PDE4B: variants seen among roughly 807,000 people sequenced by gnomAD.
PDE4B encodes 3',5'-cyclic-AMP phosphodiesterase 4B.
A neutral mutation model predicts 82.2 loss-of-function variants in PDE4B; 20 were observed. That is an observed-to-expected ratio of 0.24 (90% confidence interval 0.17 to 0.35). The LOEUF (loss-of-function observed/expected upper bound fraction) is 0.35. PDE4B is among the 10% of genes least tolerant of loss of function. PDE4B has a pLI of 1.00. For missense variants in PDE4B, 655 were observed against 907.2 expected, an observed-to-expected ratio of 0.72 and a Z score of 3.57; for synonymous variants, 320 against 318.9, an observed-to-expected ratio of 1.00 and a Z score of -0.04.
chr1:65,981,682 C>T (rs985867647), intron 3 of PDE4B, among the ~76,000 whole-genome samples: 8 of 151,590 alleles, frequency 5.3e-5, no homozygotes, highest in East Asian at 3.9e-4. Flanking sequence ...TTTCTTTATC[C>T]GTAAAGTGTA....
intron 3 of PDE4B, among the ~76,000 whole-genome samples, chr1:66,012,298 G>A (rs1010845633): frequency 1.2e-4 from 19 of 152,100 alleles, no homozygotes; most frequent in South Asian, 2.1e-4. Context: ...TTCTCTAGGC[G>A]TTTAATGTTT....
intron 4 of PDE4B, among the ~76,000 whole-genome samples, chr1:66,255,280 G>T (rs922705657): frequency 6.6e-6 from 1 of 152,082 alleles, no homozygotes; most frequent in Non-Finnish European, 1.5e-5. Context: ...TAGAGACAGG[G>T]TTCCTCCATG....
Position 66,161,243 on chromosome 1 carries a change from C to T in PDE4B, c.282-86217C>T, listed in dbSNP as rs551571651. Reference sequence around the variant, plus strand: ...AGTACAGTGAAGCCTGTTTCAGCACCGACATGCACAAACAGGTACAGGCGT... The same window carrying T: ...AGTACAGTGAAGCCTGTTTCAGCACTGACATGCACAAACAGGTACAGGCGT... On this transcript the variant is annotated intron_variant, in intron 3 of 16. Transcript: ENST00000341517. Among the ~76,000 whole-genome samples, 10 of 152,016 alleles carry T rather than the reference C, an allele frequency of 6.6e-5. No individual in the cohort carries two copies. The South Asian group carries it at 8.3e-4, about 13-fold the overall frequency.
In PDE4B at chr1:66,328,810, G is replaced by A. The variant is rs142949756; in HGVS notation, c.635-3698G>A. 1.7e-3 allele frequency among the ~76,000 whole-genome samples: 255 copies of A among 152,348 alleles called. 2 individuals are homozygous for A. The highest frequency in any genetic ancestry group is 7.2e-3 in the South Asian group (35 of 4,832). On this transcript the variant is annotated intron_variant, in intron 7 of 16. Transcript: ENST00000341517. ...CCACATGTGCTTTGTAGCCTCAGAT[G>A]GGACATGTTAGCAGCCGTCTTTGCC... is the stretch of plus-strand genomic sequence containing the variant.
intron 3 of PDE4B, among the ~76,000 whole-genome samples, chr1:66,027,778 C>T (rs962376129): frequency 1.3e-5 from 2 of 152,164 alleles, no homozygotes; most frequent in African/African-American, 4.8e-5. Flanking sequence ...TTTAAAGCTC[C>T]AAAACGATCC....
chr1:65,999,062 T>TA (rs1225490828), intron 3 of PDE4B, among the ~76,000 whole-genome samples: 2 of 152,122 alleles, frequency 1.3e-5, no homozygotes, highest in Non-Finnish European at 2.9e-5. Context: ...ATACTTACAG[T>TA]AAAAAGGGCT....
At chr1:65,924,125 A>AT (rs2100494820) in intron 3 of PDE4B, among the ~76,000 whole-genome samples, 1 of 82,940 alleles carries the variant, frequency 1.2e-5, no homozygotes, top group South Asian at 5.3e-4. Flanking sequence ...CCCAGGCTGG[A>AT]GTGCAGTGGC....
At chr1:66,119,889 G>T (rs1489953977) in intron 3 of PDE4B, among the ~76,000 whole-genome samples, 1 of 152,100 alleles carries the variant, frequency 6.6e-6, no homozygotes, top group Non-Finnish European at 1.5e-5. Flanking sequence ...ACAACATGAA[G>T]ACACAATGAG....
chr1:65,853,530 C>CT (rs145185072), intron 1 of PDE4B, among the ~76,000 whole-genome samples: 23,023 of 144,786 alleles, frequency 0.16, 2,226 homozygotes, highest in Non-Finnish European at 0.23. Flanking sequence ...CATTATAACC[C>CT]TTTTTTTTTT....
intron 3 of PDE4B, among the ~76,000 whole-genome samples, chr1:66,019,456 A>G (rs558877883): frequency 2.0e-5 from 3 of 149,846 alleles, no homozygotes. Flanking sequence ...CCCAGGTTCA[A>G]GCAATTCATC....
chr1:66,295,070 G>C (rs1269893963), intron 7 of PDE4B, among the ~76,000 whole-genome samples: 1 of 152,162 alleles, frequency 6.6e-6, no homozygotes, highest in Non-Finnish European at 1.5e-5. Flanking sequence ...CTGATCATTG[G>C]AGTTTATGTG....
At chr1:66,206,916 C>G (rs1401142117) in intron 3 of PDE4B, among the ~76,000 whole-genome samples, 1 of 152,220 alleles carries the variant, frequency 6.6e-6, no homozygotes, top group Admixed American at 6.5e-5. Flanking sequence ...TTCTGCATTA[C>G]AGCCCAGCTT....
At chr1:66,026,840 A>T (rs1380024872) in intron 3 of PDE4B, among the ~76,000 whole-genome samples, 1 of 152,162 alleles carries the variant, frequency 6.6e-6, no homozygotes, top group Non-Finnish European at 1.5e-5. Context: ...ACCTCAACAA[A>T]CCAACCAATT....
intron 3 of PDE4B, among the ~76,000 whole-genome samples, chr1:66,079,166 TTCTC>T (rs148765561): frequency 6.3e-3 from 897 of 142,278 alleles, no homozygotes; most frequent in African/African-American, 0.016. Context: ...CCTGCTTCTT[TTCTC>T]TCTCTCTCTC....
At chr1:65,953,601 T>A (rs1038604776) in intron 3 of PDE4B, among the ~76,000 whole-genome samples, 5 of 152,106 alleles carry the variant, frequency 3.3e-5, no homozygotes, top group African/African-American at 9.7e-5. Flanking sequence ...GGGAGTGCCT[T>A]GCTGGCCCAT....
chr1:66,043,431 A>C (rs2228692), intron 3 of PDE4B, among the ~76,000 whole-genome samples: 32,778 of 151,562 alleles, frequency 0.22, 4,091 homozygotes, highest in Middle Eastern at 0.36. Context: ...AAAGCAGTGC[A>C]GAACTCAGCA....
rs200508063 is a variant in PDE4B, at chr1:66,019,278, A to G, written c.281+100443A>G. On this transcript the variant is annotated intron_variant, in intron 3 of 16. Transcript: ENST00000341517. ...TTTAGAACAAGTCGATAGTTCACAT[A>G]GAGCTATTTAAATGTCCCATGCAAA... Among the ~76,000 whole-genome samples the G allele has an allele frequency of 3.7e-4, 56 of 152,220 alleles. No homozygotes were observed. The East Asian group carries it at 9.6e-3, about 26-fold the overall frequency.
intron 3 of PDE4B, among the ~76,000 whole-genome samples, chr1:66,200,910 C>T (rs1353089142): frequency 6.6e-6 from 1 of 152,150 alleles, no homozygotes; most frequent in African/African-American, 2.4e-5. Context: ...GAGAGGACAT[C>T]CCTGTCTTGT....
chr1:66,199,392 G>C (rs1648662877), intron 3 of PDE4B, among the ~76,000 whole-genome samples: 1 of 151,930 alleles, frequency 6.6e-6, no homozygotes, highest in Non-Finnish European at 1.5e-5. Context: ...TGTGTTTTTT[G>C]GCTGCATAAA....
Sources: allele counts gnomAD v4.1 joint callset (sites outside exome capture counted in the v4.1 genomes callset), GRCh38; gene constraint gnomAD v4.1.1; transcripts MANE v1.5; gene names NCBI Gene and HGNC (gene_info 2026-07-23, HGNC 2026-07-21).